Variants in CDH12 observed in about 807,000 individuals in gnomAD.
The protein encoded by CDH12 is cadherin-12.
CDH12 carries 41 observed loss-of-function variants against 74.1 expected under a neutral mutation model. The observed-to-expected ratio is 0.55, with a 90% CI of 0.43 to 0.72. The LOEUF (loss-of-function observed/expected upper bound fraction) is 0.72, where lower values mean the gene tolerates loss of function less well. Among genes scored for constraint, CDH12 ranks in the 30% least tolerant of loss-of-function variants. The pLI, the probability that CDH12 is intolerant of heterozygous loss-of-function variation, is 0.00. For missense variants in CDH12, 945 were observed against 977.2 expected, an observed-to-expected ratio of 0.97 and a Z score of 0.44; for synonymous variants, 399 against 355.0, an observed-to-expected ratio of 1.12 and a Z score of -1.39.
chr5:22,753,298 A>T (rs965460435), intron 1 of CDH12, among the ~76,000 whole-genome samples: 1 of 151,590 alleles, frequency 6.6e-6, no homozygotes, highest in Non-Finnish European at 1.5e-5. Flanking sequence ...TTAGCCGGGC[A>T]CGGTGGCGGG....
At chr5:21,925,407 AC>A (rs1729997140) in intron 6 of CDH12, among the ~76,000 whole-genome samples, 2 of 152,138 alleles carry the variant, frequency 1.3e-5, no homozygotes, top group South Asian at 4.1e-4. Context: ...AAACATATCC[AC>A]GTGATGTGAC....
At chr5:22,044,824 G>A (rs1390104284) in intron 5 of CDH12, among the ~76,000 whole-genome samples, 2 of 152,080 alleles carry the variant, frequency 1.3e-5, no homozygotes, top group Non-Finnish European at 2.9e-5. Context: ...ATCAATGTAA[G>A]GTTTGAAACT....
At chr5:22,443,784 T>C (rs2126546491) in intron 2 of CDH12, among the ~76,000 whole-genome samples, 1 of 152,252 alleles carries the variant, frequency 6.6e-6, no homozygotes, top group East Asian at 1.9e-4. Flanking sequence ...AAATTCTTTT[T>C]TGGTTCTAAA....
chr5:22,132,231 CAGTTT>C (rs1746213917), intron 4 of CDH12, among the ~76,000 whole-genome samples: 1 of 151,504 alleles, frequency 6.6e-6, no homozygotes, highest in African/African-American at 2.4e-5. Context: ...AGGGATGTAC[CAGTTT>C]AGTTAGGAGG....
intron 9 of CDH12, among the ~76,000 whole-genome samples, chr5:21,803,865 C>T (rs1430161758): frequency 6.6e-6 from 1 of 152,036 alleles, no homozygotes; most frequent in Non-Finnish European, 1.5e-5. Flanking sequence ...ATATGATTGC[C>T]ATTTTATGCA....
chr5:21,986,331 G>A lies in CDH12; in HGVS notation c.232-10946C>T, dbSNP rs369746966. Among the ~76,000 whole-genome samples the A allele has an allele frequency of 6.6e-5, 10 of 152,238 alleles. No homozygotes were observed. In the East Asian group the frequency reaches 1.9e-3, roughly 29 times the overall value. On this transcript the variant is annotated intron_variant, in intron 5 of 14. Transcript: ENST00000382254. ...GTCTTTTATCTTTCTTACTTTGCTT[G>A]AATATTGCCTTCATGGCTACATATA... is the stretch of plus-strand genomic sequence containing the variant.
rs939708854 is a variant in CDH12, at chr5:22,631,175, A to G, written c.-522-125811T>C. 5.9e-5 allele frequency among the ~76,000 whole-genome samples: 9 copies of G among 152,220 alleles called. No homozygotes were observed. In the South Asian group the frequency reaches 1.9e-3, roughly 31 times the overall value. On this transcript the variant is annotated intron_variant, in intron 1 of 14. Coordinates refer to ENST00000382254, the MANE Select transcript of CDH12 (RefSeq NM_004061.5). ...GTTTTAGAGAAAAGGGAATGCTTAT[A>G]CACTGCTGGTGGGAATGTAGATTAG...
intron 4 of CDH12, among the ~76,000 whole-genome samples, chr5:22,098,056 C>T (rs930990628): frequency 2.0e-5 from 3 of 152,184 alleles, no homozygotes; most frequent in Admixed American, 6.5e-5. Flanking sequence ...CAATACCTCC[C>T]TCCACAATCC....
chr5:21,881,822 T>C (rs779923297), intron 6 of CDH12, among the ~76,000 whole-genome samples: 1 of 152,206 alleles, frequency 6.6e-6, no homozygotes, highest in Non-Finnish European at 1.5e-5. Flanking sequence ...AGATCAGATA[T>C]GCATAATATG....
At chr5:22,497,945 G>A (rs372600738) in intron 2 of CDH12, among the ~76,000 whole-genome samples, 1 of 152,096 alleles carries the variant, frequency 6.6e-6, no homozygotes. Flanking sequence ...GAGCCACCGT[G>A]CCCAGCTGAA....
At chr5:22,788,111 T>A (rs1304334085) in intron 1 of CDH12, among the ~76,000 whole-genome samples, 2 of 152,156 alleles carry the variant, frequency 1.3e-5, no homozygotes, top group Non-Finnish European at 2.9e-5. Context: ...CTAAAATAAT[T>A]ATAAAATGTT....
chr5:22,719,502 GAC>G (rs1743766378), intron 1 of CDH12, among the ~76,000 whole-genome samples: 1 of 152,132 alleles, frequency 6.6e-6, no homozygotes, highest in Non-Finnish European at 1.5e-5. Flanking sequence ...GAATGCATGT[GAC>G]TGCAAATGTG....
At chr5:22,346,105 C>CAAAA (rs5866560) in intron 3 of CDH12, among the ~76,000 whole-genome samples, 2 of 101,640 alleles carry the variant, frequency 2.0e-5, no homozygotes, top group African/African-American at 7.4e-5. Flanking sequence ...GACTTCATCT[C>CAAAA]AAAAAAAAAA....
chr5:22,415,180 C>T (rs1743330139), intron 2 of CDH12, among the ~76,000 whole-genome samples: 2 of 151,500 alleles, frequency 1.3e-5, no homozygotes, highest in African/African-American at 4.9e-5. Context: ...TTTAAAGTGC[C>T]TAAAAATAAG....
At chr5:22,276,951 C>T (rs9293014) in intron 3 of CDH12, among the ~76,000 whole-genome samples, 4,444 of 152,282 alleles carry the variant, frequency 0.029, 94 homozygotes, top group South Asian at 0.094. Flanking sequence ...AAAATGGAGG[C>T]AAGCAAGATT....
At chr5:22,687,357 T>C (rs368762923) in intron 1 of CDH12, among the ~76,000 whole-genome samples, 1 of 152,156 alleles carries the variant, frequency 6.6e-6, no homozygotes, top group East Asian at 1.9e-4. Flanking sequence ...AACAGAATTA[T>C]GTTGTTATTA....
At chr5:22,603,460 C>A (rs529849714) in intron 1 of CDH12, among the ~76,000 whole-genome samples, 158 of 152,238 alleles carry the variant, frequency 1.0e-3, no homozygotes, top group African/African-American at 3.6e-3. Context: ...GCCATACCTA[C>A]ATATATGTAC....
At chr5:21,971,076 C>A (rs955600383) in intron 6 of CDH12, among the ~76,000 whole-genome samples, 1 of 151,618 alleles carries the variant, frequency 6.6e-6, no homozygotes, top group Non-Finnish European at 1.5e-5. Context: ...TAAATGTCAG[C>A]TAAACTTTCT....
At chr5:22,152,391 T>C (rs1251369587) in intron 4 of CDH12, 6 of 152,194 alleles carry the variant, frequency 3.9e-5, no homozygotes, top group Admixed American at 2.0e-4. Flanking sequence ...TGTGAAACTG[T>C]CAGGAAGACA....
Sources: allele counts gnomAD v4.1 joint callset (sites outside exome capture counted in the v4.1 genomes callset), GRCh38; gene constraint gnomAD v4.1.1; transcripts MANE v1.5; gene names NCBI Gene and HGNC (gene_info 2026-07-23, HGNC 2026-07-21).